Variants in BCAR3 observed in about 807,000 individuals in gnomAD.
BCAR3 encodes BCAR3 adaptor protein, NSP family member.
Under a neutral mutation model 80.1 loss-of-function variants are expected in BCAR3, and 37 were observed. The observed-to-expected ratio is 0.46, with a 90% CI of 0.36 to 0.61. The LOEUF (loss-of-function observed/expected upper bound fraction) is 0.61. BCAR3 is among the 20% of genes least tolerant of loss of function. The pLI is 0.00. For missense variants in BCAR3, 978 were observed against 1,068.2 expected (o/e 0.92, Z 1.18); for synonymous variants, 389 against 418.9 (o/e 0.93, Z 0.87).
Position 93,562,469 on chromosome 1 carries a change from G to T in BCAR3, c.2300-50C>A, listed in dbSNP as rs112944040. 9.5e-4 allele frequency: 1,495 copies of T among 1,568,842 alleles called. 17 individuals are homozygous for T. The African/African-American group carries it at 0.016, about 17-fold the overall frequency. On this transcript the variant is annotated intron_variant, in intron 11 of 11. Transcript: ENST00000260502. ...GTTACTTCAGTTCTGCCTAAGATGT[G>T]TTAAAAATAGACTGAAAGCACCAGG...
intron 2 of BCAR3, chr1:93,646,563 C>A (rs1330693428): frequency 6.7e-6 from 1 of 148,774 alleles, no homozygotes; most frequent in East Asian, 2.0e-4. Context: ...GATGGCGCCA[C>A]TGCACTCCAG....
chr1:93,571,729 C>T lies in BCAR3; in HGVS notation c.1915G>A (p.Asp639Asn), dbSNP rs1481357243. 6.2e-7 allele frequency: 1 copy of T among 1,614,026 alleles called. No homozygotes were observed. Among genetic ancestry groups the T allele is most frequent in the African/African-American group, 1.3e-5 (1 of 74,914 alleles). ...KIIQVAVELK[D>N]SMGDLYSFSA... ...AAGGAATAGAGGTCCCCCATGGAAT[C>T]CTTCAGTTCCACCGCCACCTGGATG... Residue 639 changes from aspartate (D) to asparagine (N), a missense_variant, in exon 9 of 12, where the codon GAT becomes AAT. Asp to Asn is a conservative substitution (Grantham distance 23, BLOSUM62 1). Coordinates refer to ENST00000260502, the MANE Select transcript of BCAR3 (RefSeq NM_003567.4).
chr1:93,677,302 C>A (rs886254185), intron 1 of BCAR3, among the ~76,000 whole-genome samples: 4 of 152,220 alleles, frequency 2.6e-5, no homozygotes, highest in African/African-American at 9.6e-5. Flanking sequence ...AGTGACCCCA[C>A]AGGCTCAGGA....
Position 93,589,371 on chromosome 1 carries a change from A to G in BCAR3, c.535T>C (p.Ser179Pro). 6.2e-7 allele frequency: 1 copy of G among 1,613,930 alleles called. No individual in the cohort carries two copies. Among genetic ancestry groups the G allele is most frequent in the Non-Finnish European group, 8.5e-7 (1 of 1,180,022 alleles). The stretch of plus-strand genomic sequence containing the variant: ...ACAAAGTTCCCAGGGCTGGACAGAG[A>G]GTCACGAACTAGGAAGTCACCATCT... ...QRDGDFLVRD[S>P]LSSPGNFVLT... Residue 179 changes from serine to proline, a missense_variant, in exon 5 of 12, where the codon TCT becomes CCT. Ser to Pro is a moderately conservative substitution (Grantham distance 74). Transcript: ENST00000260502.
intron 3 of BCAR3, among the ~76,000 whole-genome samples, chr1:93,629,981 C>T (rs887151901): frequency 5.3e-5 from 8 of 152,230 alleles, no homozygotes; most frequent in African/African-American, 1.9e-4. Context: ...ATTTTAGAGA[C>T]ATCAGCATTA....
intron 3 of BCAR3, among the ~76,000 whole-genome samples, chr1:93,695,512 T>A (rs959206554): frequency 2.6e-5 from 4 of 152,162 alleles, no homozygotes; most frequent in Admixed American, 6.5e-5. Context: ...CACTCTATCA[T>A]CACCCTCTTT....
At chr1:93,769,355 ATGTGTGTGTGTGTGTGTGTGTGTGTG>A (rs59798936) in intron 2 of BCAR3, among the ~76,000 whole-genome samples, 12 of 119,840 alleles carry the variant, frequency 1.0e-4, no homozygotes, top group African/African-American at 2.9e-4. Context: ...GTGGGTAGGA[ATGTGTGTGTGTGTGTGTGTGTGTGTG>A]TGTGTGTGTG....
intron 9 of BCAR3, among the ~76,000 whole-genome samples, chr1:93,568,286 G>T (rs1011500505): frequency 6.6e-6 from 1 of 152,136 alleles, no homozygotes; most frequent in African/African-American, 2.4e-5. Flanking sequence ...TGAAAGCAGG[G>T]TAGAAAGAAA....
upstream of BCAR3, among the ~76,000 whole-genome samples, chr1:93,682,548 A>G (rs911961631): frequency 1.4e-4 from 22 of 152,096 alleles, no homozygotes; most frequent in Non-Finnish European, 2.8e-4. Flanking sequence ...TCCCCAGTCA[A>G]TTCCAGATGG....
intron 2 of BCAR3, among the ~76,000 whole-genome samples, chr1:93,710,122 G>C (rs1239207969): frequency 1.3e-5 from 2 of 152,212 alleles, no homozygotes; most frequent in Admixed American, 6.5e-5. Flanking sequence ...CTGTAAAACA[G>C]TATAAACTCA....
rs559345031 is a variant in BCAR3, at chr1:93,681,535, G to T, written c.-12+63C>A. ...CTAGCGTGTCCTCACCGGGGTGGGG[G>T]AGGCCCAGGCGCCCCGGGAGGAACA... On this transcript the variant is annotated intron_variant, in intron 1 of 11. Coordinates refer to ENST00000260502, the MANE Select transcript of BCAR3 (RefSeq NM_003567.4). 6.6e-5 allele frequency: 10 copies of T among 152,244 alleles called. No homozygotes were observed. The South Asian group carries it at 2.1e-3, about 32-fold the overall frequency. 9.4% of individuals were successfully genotyped at this position (152,244 alleles called of 1,614,324 possible). A position where few individuals can be genotyped will look rare whatever the true frequency, so the allele number is the denominator to read the frequency against.
intron 2 of BCAR3, among the ~76,000 whole-genome samples, chr1:93,834,083 G>C (rs1654678423): frequency 6.6e-6 from 1 of 152,106 alleles, no homozygotes. Context: ...CTCCGTTTGG[G>C]TTCCCTGACT....
rs994324179 is a variant in BCAR3 at position 93,716,572 on chromosome 1, T to C, written c.-62-10430A>G. Among the ~76,000 whole-genome samples, 13 of 152,298 alleles carry C rather than the reference T, an allele frequency of 8.5e-5. 1 individual carries two copies. Among genetic ancestry groups the C allele is most frequent in the Middle Eastern group, 3.4e-3 (1 of 294 alleles). On this transcript the variant is annotated intron_variant, in intron 2 of 13. Transcript: ENST00000370244. ...CCTAAAAGGATTTGGTTTCAAGTACTGCAAGATCACTTGAGGGAGCTGATC... is the reference window on the plus strand; with the variant it reads ...CCTAAAAGGATTTGGTTTCAAGTACCGCAAGATCACTTGAGGGAGCTGATC...
intron 2 of BCAR3, among the ~76,000 whole-genome samples, chr1:93,652,987 C>A (rs903318699): frequency 1.3e-5 from 2 of 152,114 alleles, no homozygotes; most frequent in Admixed American, 6.6e-5. Flanking sequence ...CATTAGTAAC[C>A]AGATTGACAA....
chr1:93,773,956 A>G (rs2100746551), intron 2 of BCAR3, among the ~76,000 whole-genome samples: 1 of 152,260 alleles, frequency 6.6e-6, no homozygotes, highest in Middle Eastern at 3.4e-3. Flanking sequence ...GTGATTTCTG[A>G]GTAGCCTTAT....
intron 3 of BCAR3, among the ~76,000 whole-genome samples, chr1:93,639,209 T>C (rs1179494647): frequency 6.6e-6 from 1 of 152,078 alleles, no homozygotes; most frequent in African/African-American, 2.4e-5. Context: ...CTGGCATGAA[T>C]GTACTGCAAC....
rs140672926 is a variant in BCAR3 at position 93,634,114 on chromosome 1, C to G, written c.357+8190G>C. On this transcript the variant is annotated intron_variant, in intron 3 of 11. Coordinates refer to ENST00000260502, the MANE Select transcript of BCAR3 (RefSeq NM_003567.4). Reference sequence around the variant, plus strand: ...CTTCATCTCTTCTCCAACCTCTTTTCAACCATTTATTTGTTTTCTGTCACT... The same window carrying G: ...CTTCATCTCTTCTCCAACCTCTTTTGAACCATTTATTTGTTTTCTGTCACT... Among the ~76,000 whole-genome samples the G allele has an allele frequency of 6.5e-3, 992 of 152,358 alleles. 12 individuals carry two copies. Among genetic ancestry groups the G allele is most frequent in the African/African-American group, 0.023 (955 of 41,592 alleles).
chr1:93,574,478 G>C (rs551221030), intron 8 of BCAR3, among the ~76,000 whole-genome samples: 2 of 152,308 alleles, frequency 1.3e-5, no homozygotes, highest in South Asian at 2.1e-4. Flanking sequence ...TAAGGAGCAA[G>C]ACCCCAGCCA....
intron 3 of BCAR3, among the ~76,000 whole-genome samples, chr1:93,635,636 C>T (rs990524594): frequency 3.3e-5 from 5 of 152,200 alleles, no homozygotes; most frequent in East Asian, 3.9e-4. Context: ...GGCCCCAGAG[C>T]GGGCCAGGGC....
Sources: gnomAD v4.1 joint callset for allele counts (sites outside exome capture counted in the v4.1 genomes callset) on GRCh38, gnomAD v4.1.1 for gene constraint, MANE v1.5 for transcripts, NCBI Gene and HGNC (gene_info 2026-07-23, HGNC 2026-07-21) for gene names.